Variants in ABTB2 observed in about 807,000 individuals in gnomAD.
ABTB2 encodes ankyrin repeat and BTB domain containing 2.
Under a neutral mutation model 104.1 loss-of-function variants are expected in ABTB2, and 56 were observed. The ratio of observed to expected loss-of-function variants is 0.54; its 90% CI spans 0.43 to 0.67. The LOEUF is 0.67. Ranked by LOEUF, ABTB2 falls within the 30% of genes least tolerant of loss-of-function variation. The pLI is 0.00. For synonymous variants in ABTB2, 606 were observed against 608.2 expected (o/e 1.00, Z 0.05); for missense variants, 1,279 against 1,407.7 (o/e 0.91, Z 1.46).
intron 1 of ABTB2, among the ~76,000 whole-genome samples, chr11:34,312,710 CT>C (rs1347314822): frequency 6.6e-6 from 1 of 152,172 alleles, no homozygotes; most frequent in Non-Finnish European, 1.5e-5. Context: ...TTCTACTATT[CT>C]CTTTTTGGAG....
At chr11:34,262,501 CA>C (rs1478942017) in intron 1 of ABTB2, among the ~76,000 whole-genome samples, 1 of 152,150 alleles carries the variant, frequency 6.6e-6, no homozygotes, top group Non-Finnish European at 1.5e-5. Flanking sequence ...CCTGTTGCAA[CA>C]AAGCAAATAG....
At position 34,356,294 on chromosome 11, in the gene ABTB2, A is replaced by AG. The variant is rs1216953940; in HGVS notation, c.883+406dup. Among the ~76,000 whole-genome samples, 24 of 152,164 alleles carry AG rather than the reference A, an allele frequency of 1.6e-4. No homozygotes were observed. Among genetic ancestry groups the AG allele is most frequent in the Admixed American group, 1.3e-4 (2 of 15,278 alleles). On this transcript the variant is annotated intron_variant, in intron 1 of 16. Transcript: ENST00000435224. The surrounding 1 kb of genome is among the most constrained non-coding windows in gnomAD (Gnocchi z 4.6). ...TGCTGCTATTGAGCTGGGGAAAACTAGGGGGCAGAATCAGTCAATCTAACC... is the reference window on the plus strand; with the variant it reads ...TGCTGCTATTGAGCTGGGGAAAACTAGGGGGGCAGAATCAGTCAATCTAACC...
chr11:34,328,761 C>T (rs1282751176), intron 1 of ABTB2, among the ~76,000 whole-genome samples: 1 of 152,186 alleles, frequency 6.6e-6, no homozygotes, highest in Non-Finnish European at 1.5e-5. Context: ...TATAACACCC[C>T]TCCTTGTCTG....
intron 1 of ABTB2, among the ~76,000 whole-genome samples, chr11:34,341,056 G>A (rs558103518): frequency 5.3e-5 from 8 of 152,254 alleles, no homozygotes; most frequent in South Asian, 2.1e-4. Flanking sequence ...CTACCTCTGC[G>A]GGATACTGTG....
intron 1 of ABTB2, among the ~76,000 whole-genome samples, chr11:34,209,840 TGGGGTG>T (rs1270172382): frequency 4.1e-4 from 3 of 7,304 alleles, no homozygotes; most frequent in African/African-American, 5.8e-4. Flanking sequence ...GGTGAGGGGT[TGGGGTG>T]GGGGTGGGGG....
chr11:34,199,571 C>T (rs576402322), intron 2 of ABTB2, among the ~76,000 whole-genome samples: 2 of 152,316 alleles, frequency 1.3e-5, no homozygotes, highest in Admixed American at 6.5e-5. Context: ...TCAAGTCAGA[C>T]ACAGTTGGCC....
chr11:34,193,882 C>G (rs535907207), intron 3 of ABTB2, among the ~76,000 whole-genome samples: 95 of 152,332 alleles, frequency 6.2e-4, no homozygotes, highest in African/African-American at 2.2e-3. Flanking sequence ...ACTCTGAGTT[C>G]CTGCTGCTTC....
At chr11:34,197,069 G>A (rs998187043) in intron 3 of ABTB2, among the ~76,000 whole-genome samples, 1 of 152,122 alleles carries the variant, frequency 6.6e-6, no homozygotes, top group African/African-American at 2.4e-5. Context: ...TGCCAGACTG[G>A]GCACAGAGGC....
In ABTB2 at chr11:34,160,487, G is replaced by A. The variant is rs1191211827; in HGVS notation, c.2398-134C>T. 4 of 680,632 alleles carry A rather than the reference G, an allele frequency of 5.9e-6. No homozygotes were observed. In the African/African-American group the frequency reaches 7.2e-5, roughly 12 times the overall value. The allele number at this position is 680,632 out of a possible 1,614,324, so 42.2% of individuals were successfully genotyped here. A position where few individuals can be genotyped will look rare whatever the true frequency, so the allele number is the denominator to read the frequency against. The stretch of plus-strand genomic sequence containing the variant: ...GCTATCTTTTGTTCCTGCTGGATGT[G>A]GCTTGGCAAGAGATGCCTGTTCCTT... On this transcript the variant is annotated intron_variant, in intron 11 of 16. Transcript: ENST00000435224.
chr11:34,335,870 C>A, intron 1 of ABTB2: 1 of 1,030,282 alleles, frequency 9.7e-7, no homozygotes, highest in Admixed American at 2.0e-5. Context: ...GGAGGTAGAG[C>A]GGCCACATGA....
intron 7 of ABTB2, among the ~76,000 whole-genome samples, 169 bp downstream of exon 7, chr11:34,167,090 G>A (rs1852811536): frequency 6.6e-6 from 1 of 152,234 alleles, no homozygotes; most frequent in African/African-American, 2.4e-5. Context: ...TTTCCTTGAG[G>A]CAACTCAGGT....
chr11:34,166,024 C>T (rs1852795814), intron 7 of ABTB2, among the ~76,000 whole-genome samples: 1 of 152,234 alleles, frequency 6.6e-6, no homozygotes, highest in Non-Finnish European at 1.5e-5. Context: ...CCAGGCAGTT[C>T]CAGATGAGCC....
chr11:34,253,003 G>C (rs1325568305), intron 1 of ABTB2, among the ~76,000 whole-genome samples: 1 of 152,134 alleles, frequency 6.6e-6, no homozygotes, highest in Non-Finnish European at 1.5e-5. Context: ...CCCCTCTTCT[G>C]TTTTCCAGCA....
chr11:34,333,619 C>T (rs1411712657), intron 1 of ABTB2, among the ~76,000 whole-genome samples: 2 of 151,892 alleles, frequency 1.3e-5, no homozygotes, highest in Admixed American at 6.6e-5. Flanking sequence ...AGCTGGGCAT[C>T]GTGGTGCTCA....
chr11:34,356,793 G>A lies in ABTB2; in HGVS notation c.791C>T (p.Ala264Val). ...GTTGATGACCATCTCCAGGGCCTCAGCAGACACCTCCCCGCCTCCGGCCCC... is the reference window on the plus strand; with the variant it reads ...GTTGATGACCATCTCCAGGGCCTCAACAGACACCTCCCCGCCTCCGGCCCC... The part of the protein sequence containing the change: ...GGGAGGGEVS[A>V]EALEMVINND... The change falls in exon 1 of 17, where the codon GCT becomes GTT. Residue 264 changes from alanine to valine, a missense_variant. Physicochemically the swap from Ala to Val is moderately conservative, Grantham distance 64. Coordinates refer to ENST00000435224, the MANE Select transcript of ABTB2 (RefSeq NM_145804.3). The surrounding 1 kb of genome is among the most constrained non-coding windows in gnomAD (Gnocchi z 4.6). The A allele has an allele frequency of 1.2e-6, 2 of 1,610,202 alleles. No homozygotes were observed. The highest frequency in any genetic ancestry group is 1.1e-5 in the South Asian group (1 of 90,206).
chr11:34,316,887 C>T (rs192187336), intron 1 of ABTB2, among the ~76,000 whole-genome samples: 2 of 152,196 alleles, frequency 1.3e-5, no homozygotes, highest in East Asian at 3.9e-4. Context: ...CAGTTCTTAC[C>T]CTGGACACAC....
At chr11:34,313,165 T>G (rs1854879843) in intron 1 of ABTB2, among the ~76,000 whole-genome samples, 1 of 152,192 alleles carries the variant, frequency 6.6e-6, no homozygotes, top group Non-Finnish European at 1.5e-5. Context: ...TGCATTTTCT[T>G]GCTCAAGGGT....
At position 34,204,743 on chromosome 11, in the gene ABTB2, TG is replaced by T. The variant is rs1590216043; in HGVS notation, c.884-54del. ...CACTTAGGAAGGAGTGGAAGTTCAGTGGGCCCCAGCCTGCTGCAGGCAGGGC... is the reference window on the plus strand; with the variant it reads ...CACTTAGGAAGGAGTGGAAGTTCAGTGGCCCCAGCCTGCTGCAGGCAGGGC... On this transcript the variant is annotated intron_variant, in intron 1 of 16. Coordinates refer to ENST00000435224, the MANE Select transcript of ABTB2 (RefSeq NM_145804.3). 64 of 1,570,508 alleles carry T rather than the reference TG, an allele frequency of 4.1e-5. No individual in the cohort carries two copies. The East Asian group carries it at 1.4e-3, about 35-fold the overall frequency.
intron 11 of ABTB2, 102 bp downstream of exon 11, chr11:34,160,801 G>A: frequency 7.7e-7 from 1 of 1,301,992 alleles, no homozygotes. Context: ...TGGGTGAGGG[G>A]GTCCCTGTGT....
Sources: gnomAD v4.1 joint callset for allele counts (sites outside exome capture counted in the v4.1 genomes callset) on GRCh38, gnomAD v4.1.1 for gene constraint, Gnocchi (gnomAD v3.1) non-coding constraint, MANE v1.5 for transcripts, NCBI Gene and HGNC (gene_info 2026-07-23, HGNC 2026-07-21) for gene names.